The following PTPRM variants were observed in gnomAD, a reference collection of about 807,000 sequenced individuals.
The protein encoded by PTPRM is protein tyrosine phosphatase receptor type M, also known as receptor-type tyrosine-protein phosphatase mu.
Under a neutral mutation model 186.7 loss-of-function variants are expected in PTPRM, and 47 were observed. The observed-to-expected ratio is 0.25, with a 90% CI of 0.20 to 0.32. The LOEUF (loss-of-function observed/expected upper bound fraction) is 0.32, where lower values mean the gene tolerates loss of function less well. PTPRM is among the 10% of genes least tolerant of loss of function. The pLI, the probability that PTPRM is intolerant of heterozygous loss-of-function variation, is 1.00. For missense variants in PTPRM, 1,494 were observed against 1,865.0 expected (o/e 0.80, Z 3.66); for synonymous variants, 668 against 674.9 (o/e 0.99, Z 0.16).
chr18:7,588,236 A>G (rs927392914), intron 1 of PTPRM, among the ~76,000 whole-genome samples: 8 of 152,294 alleles, frequency 5.3e-5, no homozygotes, highest in African/African-American at 1.7e-4. Flanking sequence ...CAGTAATTAT[A>G]TATATACTTT....
intron 2 of PTPRM, among the ~76,000 whole-genome samples, chr18:7,869,047 C>T (rs1428781242): frequency 6.6e-6 from 1 of 152,146 alleles, no homozygotes; most frequent in African/African-American, 2.4e-5. Flanking sequence ...CACCCCTCGC[C>T]CAGCAAGCTG....
chr18:8,367,409 G>C (rs2095637562), intron 23 of PTPRM, among the ~76,000 whole-genome samples: 1 of 152,250 alleles, frequency 6.6e-6, no homozygotes, highest in Non-Finnish European at 1.5e-5. Context: ...CCGCCGGGTC[G>C]GAGGCATCCG....
At chr18:7,800,384 A>C (rs1285413250) in intron 2 of PTPRM, among the ~76,000 whole-genome samples, 1 of 152,218 alleles carries the variant, frequency 6.6e-6, no homozygotes, top group Non-Finnish European at 1.5e-5. Flanking sequence ...AACCTTGTGC[A>C]TGATACTGGG....
At chr18:8,211,518 C>T (rs943907816) in intron 14 of PTPRM, among the ~76,000 whole-genome samples, 4 of 150,922 alleles carry the variant, frequency 2.7e-5, no homozygotes, top group African/African-American at 9.8e-5. Flanking sequence ...ATTCTCCTAC[C>T]TCAGCCTCCC....
chr18:7,775,467 G>A (rs1313526272), intron 2 of PTPRM, among the ~76,000 whole-genome samples: 2 of 152,242 alleles, frequency 1.3e-5, no homozygotes, highest in East Asian at 1.9e-4. Context: ...GAGGGGAAGA[G>A]GAGAACACAG....
chr18:8,124,534 A>G (rs2092277802), intron 13 of PTPRM, among the ~76,000 whole-genome samples: 1 of 152,186 alleles, frequency 6.6e-6, no homozygotes, highest in Non-Finnish European at 1.5e-5. Flanking sequence ...ACACCTTGGC[A>G]TCAAGTACAT....
chr18:8,397,413 A>G (rs550730592), intron 32 of PTPRM, among the ~76,000 whole-genome samples: 1 of 152,320 alleles, frequency 6.6e-6, no homozygotes, highest in South Asian at 2.1e-4. Context: ...CTCCAGGGAG[A>G]TCCAGAAAGC....
chr18:7,886,103 C>A (rs1441188960), intron 2 of PTPRM, among the ~76,000 whole-genome samples: 1 of 152,194 alleles, frequency 6.6e-6, no homozygotes, highest in South Asian at 2.1e-4. Context: ...ACCTCAAGAA[C>A]ATGTCATGCC....
rs115157390 is a variant in PTPRM, at chr18:7,753,589, G to A, written c.74-20560G>A. Among the ~76,000 whole-genome samples, 824 of 152,236 alleles carry A rather than the reference G, an allele frequency of 5.4e-3. 5 individuals are homozygous for A. Among genetic ancestry groups the A allele is most frequent in the African/African-American group, 0.019 (787 of 41,552 alleles). On this transcript the variant is annotated intron_variant, in intron 1 of 32. Transcript: ENST00000580170. ...GTGAGGTAAGTTAAGTCAACACAACGTAGTAAGAGATCAGTAAGTATCAAA... is the reference window on the plus strand; with the variant it reads ...GTGAGGTAAGTTAAGTCAACACAACATAGTAAGAGATCAGTAAGTATCAAA...
intron 1 of PTPRM, among the ~76,000 whole-genome samples, chr18:7,703,820 A>G (rs1394898459): frequency 2.0e-5 from 3 of 152,128 alleles, no homozygotes; most frequent in Non-Finnish European, 4.4e-5. Flanking sequence ...TGTCATAAAT[A>G]ACTGTTACTA....
At chr18:7,755,948 G>T (rs912638664) in intron 1 of PTPRM, among the ~76,000 whole-genome samples, 1 of 152,080 alleles carries the variant, frequency 6.6e-6, no homozygotes, top group South Asian at 2.1e-4. Context: ...GTTCCATTTT[G>T]AATTCTTTGC....
At chr18:8,025,342 G>A (rs1005179318) in intron 7 of PTPRM, among the ~76,000 whole-genome samples, 4 of 152,240 alleles carry the variant, frequency 2.6e-5, no homozygotes, top group East Asian at 1.9e-4. Flanking sequence ...GTCTGAAAAC[G>A]TTTGGACATT....
intron 31 of PTPRM, among the ~76,000 whole-genome samples, chr18:8,388,747 G>A (rs1255497299): frequency 6.6e-6 from 1 of 152,154 alleles, no homozygotes; most frequent in African/African-American, 2.4e-5. Flanking sequence ...GGATCACGAG[G>A]TCAGGAGATC....
intron 7 of PTPRM, among the ~76,000 whole-genome samples, chr18:7,993,965 A>G (rs147894925): frequency 1.3e-5 from 2 of 152,208 alleles, no homozygotes; most frequent in African/African-American, 4.8e-5. Context: ...TCACCTATTA[A>G]TAACCTTGCA....
At chr18:8,065,566 C>T (rs539778800) in intron 7 of PTPRM, among the ~76,000 whole-genome samples, 1 of 152,216 alleles carries the variant, frequency 6.6e-6, no homozygotes, top group East Asian at 1.9e-4. Flanking sequence ...TGATTCATGC[C>T]AACGGGGCCT....
chr18:8,250,195 CTT>C (rs34281444), intron 17 of PTPRM, among the ~76,000 whole-genome samples: 2,295 of 152,112 alleles, frequency 0.015, 55 homozygotes, highest in African/African-American at 0.053. Flanking sequence ...TGGAGTATAT[CTT>C]TACTTCATTT....
intron 17 of PTPRM, 90 bp from the exon 18 acceptor site, chr18:8,252,398 A>C: frequency 9.3e-7 from 1 of 1,072,786 alleles, no homozygotes; most frequent in Non-Finnish European, 1.5e-6. Flanking sequence ...TAAAATAAAA[A>C]CTACCTGTAA....
intron 14 of PTPRM, among the ~76,000 whole-genome samples, chr18:8,188,429 A>G (rs1055460080): frequency 3.3e-5 from 5 of 152,242 alleles, no homozygotes; most frequent in Non-Finnish European, 7.3e-5. Flanking sequence ...TCTGTGATGA[A>G]TCACGGACTG....
intron 20 of PTPRM, among the ~76,000 whole-genome samples, chr18:8,305,795 G>T (rs1191177662): frequency 6.6e-6 from 1 of 152,132 alleles, no homozygotes; most frequent in East Asian, 1.9e-4. Context: ...TTTCAGTTCT[G>T]CCCTGCTCTG....
Sources: allele counts gnomAD v4.1 joint callset (sites outside exome capture counted in the v4.1 genomes callset), GRCh38; gene constraint gnomAD v4.1.1; transcripts MANE v1.5; gene names NCBI Gene and HGNC (gene_info 2026-07-23, HGNC 2026-07-21).